PAPPA: variants seen among roughly 807,000 people sequenced by gnomAD.
The protein encoded by PAPPA is pappalysin-1.
In PAPPA, 60 loss-of-function variants were observed where a neutral mutation model predicts 164.0. The observed-to-expected ratio is 0.37, with a 90% CI of 0.30 to 0.45. PAPPA has a LOEUF of 0.45. PAPPA is among the 20% of genes least tolerant of loss of function. The pLI is 1.00. For missense variants in PAPPA, 1,782 were observed against 2,087.3 expected (o/e 0.85, Z 2.85); for synonymous variants, 875 against 814.1 (o/e 1.07, Z -1.27).
intron 19 of PAPPA, chr9:116,373,802 G>A (rs1365208699): frequency 6.6e-6 from 1 of 152,104 alleles, no homozygotes; most frequent in Non-Finnish European, 1.5e-5. Context: ...AGATAAATGT[G>A]GGTTTAATTG....
At chr9:116,320,307 T>C (rs11999361) in intron 10 of PAPPA, among the ~76,000 whole-genome samples, 4,221 of 152,220 alleles carry the variant, frequency 0.028, 203 homozygotes, top group East Asian at 0.24. Context: ...ATGCCTAATG[T>C]GTTAGGGACA....
intron 17 of PAPPA, among the ~76,000 whole-genome samples, chr9:116,359,027 A>T (rs1246893710): frequency 6.6e-6 from 1 of 152,214 alleles, no homozygotes; most frequent in Non-Finnish European, 1.5e-5. Flanking sequence ...CTCCATGCCC[A>T]TTTAGCAGTC....
At chr9:116,245,924 A>T (rs1202526244) in intron 7 of PAPPA, among the ~76,000 whole-genome samples, 1 of 152,098 alleles carries the variant, frequency 6.6e-6, no homozygotes, top group Non-Finnish European at 1.5e-5. Flanking sequence ...TTACTATCTC[A>T]TCCACCATAT....
chr9:116,367,540 G>A (rs1588022825), intron 18 of PAPPA, 105 bp from the exon 19 acceptor site: 1 of 783,270 alleles, frequency 1.3e-6, no homozygotes, highest in African/African-American at 1.7e-5. Context: ...GGGTAGCTGA[G>A]TCCACCAGGG....
intron 10 of PAPPA, among the ~76,000 whole-genome samples, chr9:116,329,907 C>T (rs1845967930): frequency 6.6e-6 from 1 of 152,178 alleles, no homozygotes; most frequent in African/African-American, 2.4e-5. Flanking sequence ...ATATTTTATA[C>T]ATTTCTCCAC....
At chr9:116,337,653 C>G (rs750626246) in intron 13 of PAPPA, among the ~76,000 whole-genome samples, 9 of 151,660 alleles carry the variant, frequency 5.9e-5, no homozygotes, top group Non-Finnish European at 1.2e-4. Flanking sequence ...ATCTCTCCCT[C>G]TCTCTCCTCT....
At chr9:116,155,104 G>A (rs1843585690) in intron 1 of PAPPA, among the ~76,000 whole-genome samples, 1 of 152,158 alleles carries the variant, frequency 6.6e-6, no homozygotes. Context: ...CCCCAAAGTT[G>A]CTCACTGATT....
At chr9:116,381,272 A>G (rs1031772163) in intron 20 of PAPPA, among the ~76,000 whole-genome samples, 1 of 152,300 alleles carries the variant, frequency 6.6e-6, no homozygotes, top group African/African-American at 2.4e-5. Context: ...ATCCCTGCCA[A>G]CTGCCCTTGC....
intron 6 of PAPPA, among the ~76,000 whole-genome samples, chr9:116,230,131 G>A (rs906207807): frequency 2.0e-5 from 3 of 152,098 alleles, no homozygotes; most frequent in Non-Finnish European, 4.4e-5. Context: ...AGCAGCCTTG[G>A]GTTTTCCTCC....
At chr9:116,224,477 A>G (rs72752166) in intron 5 of PAPPA, among the ~76,000 whole-genome samples, 1,956 of 152,360 alleles carry the variant, frequency 0.013, 22 homozygotes, top group Middle Eastern at 0.051. Context: ...CTAAATTTTA[A>G]GACATGGAAA....
chr9:116,373,205 TCTA>T (rs1366485968), intron 19 of PAPPA: 1 of 152,134 alleles, frequency 6.6e-6, no homozygotes, highest in Non-Finnish European at 1.5e-5. Context: ...GCAGCCAGAA[TCTA>T]CTGATTTTTT....
intron 6 of PAPPA, among the ~76,000 whole-genome samples, chr9:116,228,755 C>G (rs996376327): frequency 6.6e-6 from 1 of 152,150 alleles, no homozygotes; most frequent in African/African-American, 2.4e-5. Flanking sequence ...CGGGCTCCCC[C>G]CAAGTGCAGG....
chr9:116,237,394 T>C (rs1331592502), intron 7 of PAPPA, among the ~76,000 whole-genome samples: 1 of 152,218 alleles, frequency 6.6e-6, no homozygotes, highest in East Asian at 1.9e-4. Context: ...TCTATAAATA[T>C]GCTTCCACTT....
chr9:116,343,253 G>A (rs1846161260), intron 13 of PAPPA, among the ~76,000 whole-genome samples: 1 of 152,142 alleles, frequency 6.6e-6, no homozygotes, highest in Non-Finnish European at 1.5e-5. Flanking sequence ...ATAATACAAG[G>A]GGAATGATCA....
At chr9:116,245,349 C>T (rs928952733) in intron 7 of PAPPA, among the ~76,000 whole-genome samples, 4 of 152,098 alleles carry the variant, frequency 2.6e-5, no homozygotes, top group Non-Finnish European at 4.4e-5. Context: ...GTTTGTGGCT[C>T]ATGTTGAGTT....
chr9:116,172,476 C>T (rs1387742849), intron 1 of PAPPA, among the ~76,000 whole-genome samples: 1 of 152,212 alleles, frequency 6.6e-6, no homozygotes, highest in Non-Finnish European at 1.5e-5. Flanking sequence ...GCCACAACCT[C>T]CTCCCCAGTG....
intron 7 of PAPPA, among the ~76,000 whole-genome samples, chr9:116,244,159 G>T (rs2118764696): frequency 6.6e-6 from 1 of 152,138 alleles, no homozygotes; most frequent in South Asian, 2.1e-4. Flanking sequence ...TGATCTCCAG[G>T]GTCATTAACA....
intron 4 of PAPPA, among the ~76,000 whole-genome samples, chr9:116,218,404 A>C (rs1844402250): frequency 6.6e-6 from 1 of 152,116 alleles, no homozygotes; most frequent in South Asian, 2.1e-4. Flanking sequence ...AGATTGGAAG[A>C]GCCCTGTACT....
rs532470509 is a variant in PAPPA at position 116,267,644 on chromosome 9, C to T, written c.2861+1659C>T. 2.6e-5 allele frequency among the ~76,000 whole-genome samples: 4 copies of T among 151,954 alleles called. No homozygotes were observed. The South Asian group carries it at 6.2e-4, about 24-fold the overall frequency. Reference sequence around the variant, plus strand: ...ATCCCAGCACTTTGGGAGGCCGAGGCGGGTGGATCATGAGGTCAGGAGATC... The same window carrying T: ...ATCCCAGCACTTTGGGAGGCCGAGGTGGGTGGATCATGAGGTCAGGAGATC... On this transcript the variant is annotated intron_variant, in intron 8 of 21. Coordinates refer to ENST00000328252, the MANE Select transcript of PAPPA (RefSeq NM_002581.5).
Sources: allele counts gnomAD v4.1 joint callset (sites outside exome capture counted in the v4.1 genomes callset), GRCh38; gene constraint gnomAD v4.1.1; transcripts MANE v1.5; gene names NCBI Gene and HGNC (gene_info 2026-07-23, HGNC 2026-07-21).